PPL: variants seen among roughly 807,000 people sequenced by gnomAD.
PPL encodes 190 kDa paraneoplastic pemphigus antigen.
In PPL, 198 loss-of-function variants were observed where a neutral mutation model predicts 194.4. That is an observed-to-expected ratio of 1.02 (90% CI 0.91 to 1.15). The LOEUF is 1.15. Among genes scored for constraint, PPL ranks in the 50% most tolerant of loss-of-function variants. The probability of loss-of-function intolerance (pLI) is 0.00; values close to 1 mark genes in which losing one functional copy is unlikely to be tolerated. For synonymous variants in PPL, 1,220 were observed against 972.4 expected (o/e 1.25, Z -4.74); for missense variants, 2,885 against 2,294.8 (o/e 1.26, Z -5.25).
intron 1 of PPL, among the ~76,000 whole-genome samples, chr16:4,933,700 T>C (rs1485936505): frequency 2.6e-5 from 4 of 152,196 alleles, no homozygotes; most frequent in Non-Finnish European, 5.9e-5. Flanking sequence ...ATACATGTAC[T>C]GAAGCTTAAC....
At chr16:4,891,732 A>G (rs2142341236) in intron 16 of PPL, 79 bp downstream of exon 16, 2 of 1,513,600 alleles carry the variant, frequency 1.3e-6, no homozygotes, top group Non-Finnish European at 1.8e-6. Flanking sequence ...GTCCTCATCT[A>G]TCCAGACGGG....
chr16:4,897,600 G>A (rs866218826), intron 9 of PPL, 75 bp downstream of exon 9: 2 of 1,197,730 alleles, frequency 1.7e-6, no homozygotes, highest in Admixed American at 1.8e-5. Flanking sequence ...GGCCACACAT[G>A]AGCCAGGTAG....
intron 11 of PPL, 68 bp downstream of exon 11, chr16:4,895,193 C>T (rs2088400163): frequency 2.0e-6 from 3 of 1,495,440 alleles, no homozygotes; most frequent in Admixed American, 2.3e-5. Context: ...GCGCCTGAGG[C>T]CCGGGATCCA....
At chr16:4,901,823 C>T (rs1482803866) in intron 4 of PPL, among the ~76,000 whole-genome samples, 1 of 151,646 alleles carries the variant, frequency 6.6e-6, no homozygotes, top group Admixed American at 6.6e-5. Flanking sequence ...ACCTGTAATT[C>T]CAGCTACTTG....
intron 1 of PPL, among the ~76,000 whole-genome samples, chr16:4,919,178 G>A (rs2088987174): frequency 6.6e-6 from 1 of 152,234 alleles, no homozygotes; most frequent in Admixed American, 6.5e-5. Flanking sequence ...GCTGAGGGCA[G>A]TGGCCGCTGG....
intron 8 of PPL, 99 bp downstream of exon 8, chr16:4,898,914 C>T: frequency 1.1e-6 from 1 of 889,694 alleles, no homozygotes; most frequent in Non-Finnish European, 1.8e-6. Context: ...GCTTGCAGGA[C>T]CCCCAGCTCC....
chr16:4,887,369 A>T (rs1323097675), intron 20 of PPL, 142 bp from the exon 21 acceptor site: 1 of 670,772 alleles, frequency 1.5e-6, no homozygotes, highest in Non-Finnish European at 2.7e-6. Context: ...TCCTGCCTGG[A>T]GTTAGACTGT....
Position 4,884,872 on chromosome 16 carries a change from C to G in PPL, c.3783G>C (p.Leu1261=). 2 of 1,614,126 alleles carry G rather than the reference C, an allele frequency of 1.2e-6. No homozygotes were observed. Among genetic ancestry groups the G allele is most frequent in the Non-Finnish European group, 1.7e-6 (2 of 1,180,020 alleles). The change falls in exon 22 of 22, where the codon CTG becomes CTC. Residue 1261 remains leucine (L), a synonymous_variant. Coordinates refer to ENST00000345988, the MANE Select transcript of PPL (RefSeq NM_002705.5). This position sits in a 1 kb window ranked among gnomAD's most constrained non-coding sequence, Gnocchi z 5.7. ...AGATCTCTAAATCACACCTTTCGAT[C>G]AGTCTGGTCTTGTCCACGATCTCCT... ...LREEIVDKTR[L]IERCDLEIYQ...
chr16:4,899,076 G>A lies in PPL; in HGVS notation c.813C>T (p.Asn271=). 2 of 1,613,194 alleles carry A rather than the reference G, an allele frequency of 1.2e-6. No homozygotes were observed. Among genetic ancestry groups the A allele is most frequent in the Non-Finnish European group, 1.7e-6 (2 of 1,179,548 alleles). The change falls in exon 8 of 22, where the codon AAC becomes AAT. Residue 271 remains asparagine (N), a synonymous_variant. Transcript: ENST00000345988. ...RNLEAKEERI[N]KLHSEGDQLL... ...GCTGGTCGCCCTCGCTGTGCAGTTT[G>A]TTGATTCTCTCCTCTTTGGCCTCCA... is the stretch of plus-strand genomic sequence containing the variant.
chr16:4,926,519 C>G (rs1329810809), intron 1 of PPL, among the ~76,000 whole-genome samples: 4 of 152,098 alleles, frequency 2.6e-5, no homozygotes, highest in Admixed American at 2.6e-4. Context: ...TGAGTAAATC[C>G]CAACTATTCA....
At chr16:4,895,888 C>T (rs1443689395) in intron 9 of PPL, among the ~76,000 whole-genome samples, 172 bp from the exon 10 acceptor site, 3 of 152,222 alleles carry the variant, frequency 2.0e-5, no homozygotes, top group Non-Finnish European at 4.4e-5. Context: ...CAGCCCCACC[C>T]TCCCTGAGCT....
At chr16:4,903,312 C>G (rs529934972) in intron 3 of PPL, among the ~76,000 whole-genome samples, 12 of 152,004 alleles carry the variant, frequency 7.9e-5, no homozygotes, top group African/African-American at 2.9e-4. Context: ...CGGAAGAGCT[C>G]GCTCAAAAGC....
rs2088211820 is a variant in PPL, at chr16:4,885,943, C to T, written c.2712G>A (p.Glu904=). Residue 904 remains glutamate, a synonymous_variant, in exon 22 of 22, where the codon GAG becomes GAA. Coordinates refer to ENST00000345988, the MANE Select transcript of PPL (RefSeq NM_002705.5). The surrounding 1 kb of genome is among the most constrained non-coding windows in gnomAD (Gnocchi z 6.3). ...CCTCGTTCTCCAGCTGCCGCCTCCG[C>T]TCAGTCTCCTCATCCAGTTCCTTCC... ...KIRKELDEET[E]RRRQLENEVK... The T allele has an allele frequency of 1.2e-6, 2 of 1,613,344 alleles. No homozygotes were observed. Among genetic ancestry groups the T allele is most frequent in the Admixed American group, 1.7e-5 (1 of 60,016 alleles).
chr16:4,926,136 T>G (rs2089150353), intron 1 of PPL, among the ~76,000 whole-genome samples: 1 of 152,164 alleles, frequency 6.6e-6, no homozygotes, highest in East Asian at 1.9e-4. Context: ...TCTCTGATCC[T>G]TATAACAACT....
chr16:4,898,256 T>C (rs2088473351), intron 8 of PPL, among the ~76,000 whole-genome samples: 2 of 152,154 alleles, frequency 1.3e-5, no homozygotes, highest in African/African-American at 2.4e-5. Flanking sequence ...TGTGCGCCTG[T>C]AGTCCCAGCT....
intron 1 of PPL, among the ~76,000 whole-genome samples, chr16:4,914,025 G>C (rs1022719265): frequency 5.9e-5 from 9 of 152,222 alleles, no homozygotes; most frequent in African/African-American, 1.9e-4. Context: ...CTGGCTGGGT[G>C]GGGACAGCGG....
At chr16:4,896,589 G>C (rs1253606025) in intron 9 of PPL, among the ~76,000 whole-genome samples, 1 of 152,052 alleles carries the variant, frequency 6.6e-6, no homozygotes, top group East Asian at 1.9e-4. Flanking sequence ...AGGTGACCTG[G>C]GGCTGGGGGA....
intron 1 of PPL, among the ~76,000 whole-genome samples, chr16:4,931,092 A>G (rs571782224): frequency 6.6e-6 from 1 of 152,302 alleles, no homozygotes; most frequent in South Asian, 2.1e-4. Flanking sequence ...GCCTGCGTGC[A>G]GTGGCTCATG....
intron 8 of PPL, among the ~76,000 whole-genome samples, chr16:4,898,413 A>C (rs2088476841): frequency 1.3e-5 from 2 of 152,190 alleles, no homozygotes; most frequent in Admixed American, 1.3e-4. Context: ...GGTTGGGAAG[A>C]ATGCGACCTT....
Sources: gnomAD v4.1 joint callset for allele counts (sites outside exome capture counted in the v4.1 genomes callset) on GRCh38, gnomAD v4.1.1 for gene constraint, Gnocchi (gnomAD v3.1) non-coding constraint, MANE v1.5 for transcripts, NCBI Gene and HGNC (gene_info 2026-07-23, HGNC 2026-07-21) for gene names.